The following AKAP13 variants were observed in gnomAD, a reference collection of about 807,000 sequenced individuals.
AKAP13 encodes A-kinase anchor protein 13.
In AKAP13, 80 loss-of-function variants were observed where a neutral mutation model predicts 264.5. That is an observed-to-expected ratio of 0.30 (90% CI 0.25 to 0.36). The LOEUF is 0.36. Ranked by LOEUF, AKAP13 falls within the 10% of genes least tolerant of loss-of-function variation. The probability of loss-of-function intolerance (pLI) is 1.00; values close to 1 mark genes in which losing one functional copy is unlikely to be tolerated. For synonymous variants in AKAP13, 1,380 were observed against 1,250.2 expected, an observed-to-expected ratio of 1.10 and a Z score of -2.19; for missense variants, 3,712 against 3,435.2, an observed-to-expected ratio of 1.08 and a Z score of -2.01.
intron 2 of AKAP13, among the ~76,000 whole-genome samples, chr15:85,491,559 A>G (rs1167464336): frequency 6.8e-6 from 1 of 147,568 alleles, no homozygotes; most frequent in Non-Finnish European, 1.5e-5. Context: ...ATTTTAGCAG[A>G]TTTGGCTCTT....
chr15:85,510,627 G>A (rs1042453773), intron 2 of AKAP13, among the ~76,000 whole-genome samples: 2 of 152,242 alleles, frequency 1.3e-5, no homozygotes, highest in African/African-American at 4.8e-5. Flanking sequence ...TTTAATTAAT[G>A]CAGGCTAGGT....
At chr15:85,625,601 C>T (rs1216745094) in intron 8 of AKAP13, among the ~76,000 whole-genome samples, 1 of 152,166 alleles carries the variant, frequency 6.6e-6, no homozygotes, top group Non-Finnish European at 1.5e-5. Context: ...TCACATCACG[C>T]CTGTAACCCC....
chr15:85,540,732 C>A (rs2077557121), intron 4 of AKAP13, among the ~76,000 whole-genome samples: 2 of 152,226 alleles, frequency 1.3e-5, no homozygotes, highest in African/African-American at 4.8e-5. Flanking sequence ...ATTCGTTTAT[C>A]CCTTTGCACC....
At chr15:85,582,298 T>C (rs2079159413) in intron 7 of AKAP13, among the ~76,000 whole-genome samples, 191 bp downstream of exon 7, 2 of 152,178 alleles carry the variant, frequency 1.3e-5, no homozygotes, top group Admixed American at 6.5e-5. Flanking sequence ...TTTTGCTTCC[T>C]GTATTGTAGA....
In AKAP13 at chr15:85,397,164, A is replaced by G. The variant is rs138189425; in HGVS notation, c.-12+16366A>G. Among the ~76,000 whole-genome samples the G allele has an allele frequency of 7.6e-3, 1,150 of 152,042 alleles. 23 individuals are homozygous for G. Among genetic ancestry groups the G allele is most frequent in the African/African-American group, 0.026 (1,091 of 41,468 alleles). Reference sequence around the variant, plus strand: ...TATTTCCTTAATAATTTATTTGGCAATGTATTTAAAAACAGTGTTGATATC... The same window carrying G: ...TATTTCCTTAATAATTTATTTGGCAGTGTATTTAAAAACAGTGTTGATATC... On this transcript the variant is annotated intron_variant, in intron 1 of 36. Coordinates refer to ENST00000394518, the MANE Select transcript of AKAP13 (RefSeq NM_007200.5).
intron 9 of AKAP13, among the ~76,000 whole-genome samples, chr15:85,639,892 C>G (rs2082230422): frequency 6.6e-6 from 1 of 152,120 alleles, no homozygotes; most frequent in South Asian, 2.1e-4. Context: ...ATATCAAAAT[C>G]TTTATAAGCT....
chr15:85,655,345 T>G, intron 10 of AKAP13, 72 bp from the exon 11 acceptor site: 2 of 1,537,702 alleles, frequency 1.3e-6, no homozygotes. Flanking sequence ...GCCATTGGCT[T>G]GATCTAGAAT....
chr15:85,463,907 A>G (rs2074623310), intron 1 of AKAP13, among the ~76,000 whole-genome samples: 1 of 152,046 alleles, frequency 6.6e-6, no homozygotes, highest in Non-Finnish European at 1.5e-5. Flanking sequence ...TTTGGAAGCC[A>G]GATTCCTGTG....
chr15:85,386,049 T>G (rs2070542593), intron 1 of AKAP13, among the ~76,000 whole-genome samples: 1 of 152,192 alleles, frequency 6.6e-6, no homozygotes, highest in Admixed American at 6.5e-5. Context: ...GATCTTGAAC[T>G]CCTAACCTCA....
intron 1 of AKAP13, among the ~76,000 whole-genome samples, chr15:85,426,948 T>G (rs538884485): frequency 6.5e-4 from 81 of 124,556 alleles, no homozygotes; most frequent in African/African-American, 2.9e-3. Context: ...TAGTATTGTT[T>G]TGTTTTGTTT....
intron 3 of AKAP13, among the ~76,000 whole-genome samples, chr15:85,529,637 A>G (rs1183122117): frequency 6.6e-6 from 1 of 152,246 alleles, no homozygotes; most frequent in East Asian, 1.9e-4. Context: ...GAAAGGTTAT[A>G]GGAATTAAAA....
At position 85,748,847 on chromosome 15, in the gene AKAP13, G is replaced by A. The variant is rs57922745; in HGVS notation, c.*4170G>A. On this transcript the variant is annotated 3_prime_UTR_variant, in exon 37 of 37. Coordinates refer to ENST00000394518, the MANE Select transcript of AKAP13 (RefSeq NM_007200.5). ...GGTGGGACCACCTGTGCTGCAGTCC[G>A]GAGGGGCTTCTGCAGGAAGCACTCA... is the stretch of plus-strand genomic sequence containing the variant. 3,550 of 152,466 alleles carry A rather than the reference G, an allele frequency of 0.023. 70 individuals carry two copies. Among genetic ancestry groups the A allele is most frequent in the East Asian group, 0.033 (173 of 5,182 alleles). The allele number at this position is 152,466 out of a possible 1,614,324, so 9.4% of individuals were successfully genotyped here.
intron 11 of AKAP13, 148 bp downstream of exon 11, chr15:85,655,935 C>T (rs1392126181): frequency 1.5e-6 from 2 of 1,306,462 alleles, no homozygotes; most frequent in Non-Finnish European, 2.0e-6. Context: ...AATCTGTGTT[C>T]AGACCCCAGC....
chr15:85,708,145 TC>T lies in AKAP13; in HGVS notation c.5532+60del. On this transcript the variant is annotated intron_variant, in intron 18 of 36. Coordinates refer to ENST00000394518, the MANE Select transcript of AKAP13 (RefSeq NM_007200.5). The surrounding 1 kb of genome is among the most constrained non-coding windows in gnomAD (Gnocchi z 4.3). ...AAAAGGGTTTAAACCAGCAAAATCC[TC>T]GGGAGTTGGGAGAGTTGAGGTTGTG... The T allele has an allele frequency of 1.3e-6, 2 of 1,536,726 alleles. No homozygotes were observed. The highest frequency in any genetic ancestry group is 1.8e-6 in the Non-Finnish European group (2 of 1,119,158).
rs373781999 is a variant in AKAP13 at position 85,743,560 on chromosome 15, G to A, written c.8127G>A (p.Ser2709=). 140 of 1,614,074 alleles carry A rather than the reference G, an allele frequency of 8.7e-5. No homozygotes were observed. The highest frequency in any genetic ancestry group is 1.1e-4 in the Non-Finnish European group (126 of 1,180,002). The change falls in exon 36 of 37, where the codon TCG becomes TCA. Residue 2709 remains serine, a synonymous_variant. Coordinates refer to ENST00000394518, the MANE Select transcript of AKAP13 (RefSeq NM_007200.5). The part of the protein sequence containing the change: ...SFFPSPEEPP[S]PSAPSIAKSG... Reference sequence around the variant, plus strand: ...TCCCCAGTCCTGAGGAGCCCCCCTCGCCATCTGCACCTTCCATAGCCAAAT... The same window carrying A: ...TCCCCAGTCCTGAGGAGCCCCCCTCACCATCTGCACCTTCCATAGCCAAAT...
At chr15:85,426,034 A>G (rs2072761316) in intron 1 of AKAP13, among the ~76,000 whole-genome samples, 1 of 152,234 alleles carries the variant, frequency 6.6e-6, no homozygotes, top group Non-Finnish European at 1.5e-5. Context: ...GAAGCTCCAA[A>G]AATACTTGAG....
chr15:85,667,366 A>G (rs1348135809), intron 13 of AKAP13, among the ~76,000 whole-genome samples: 2 of 152,216 alleles, frequency 1.3e-5, no homozygotes, highest in Non-Finnish European at 2.9e-5. Context: ...ATACTTCAGA[A>G]GGAGTTAGAA....
At chr15:85,705,902 T>C (rs1489541720) in intron 17 of AKAP13, among the ~76,000 whole-genome samples, 5 of 151,776 alleles carry the variant, frequency 3.3e-5, no homozygotes, top group Non-Finnish European at 7.4e-5. Flanking sequence ...ATATAATTTG[T>C]TTTTGTTTTT....
intron 32 of AKAP13, 81 bp from the exon 33 acceptor site, chr15:85,736,003 AAGCTAC>A (rs1420787319): frequency 9.2e-7 from 1 of 1,084,122 alleles, no homozygotes; most frequent in Non-Finnish European, 1.4e-6. Context: ...AGAAAATGGA[AAGCTAC>A]AGCCTAACAC....
Sources: gnomAD v4.1 joint callset for allele counts (sites outside exome capture counted in the v4.1 genomes callset) on GRCh38, gnomAD v4.1.1 for gene constraint, Gnocchi (gnomAD v3.1) non-coding constraint, MANE v1.5 for transcripts, NCBI Gene and HGNC (gene_info 2026-07-23, HGNC 2026-07-21) for gene names.